Variants in KCNG3 observed in about 807,000 individuals in gnomAD.
The protein encoded by KCNG3 is potassium voltage-gated channel modifier subfamily G member 3.
A neutral mutation model predicts 29.0 loss-of-function variants in KCNG3; 15 were observed. That is an observed-to-expected ratio of 0.52 (90% CI 0.35 to 0.80). KCNG3 has a LOEUF of 0.80. Ranked by LOEUF, KCNG3 falls within the 30% of genes least tolerant of loss-of-function variation. The probability of loss-of-function intolerance (pLI) is 0.01; values close to 1 mark genes in which losing one functional copy is unlikely to be tolerated. For synonymous variants in KCNG3, 322 were observed against 248.9 expected, an observed-to-expected ratio of 1.29 and a Z score of -2.76; for missense variants, 512 against 605.7, an observed-to-expected ratio of 0.85 and a Z score of 1.62.
At chr2:42,469,907 G>A in intron 1 of KCNG3, 1 of 293,152 alleles carries the variant, frequency 3.4e-6, no homozygotes, top group South Asian at 6.0e-5. Flanking sequence ...GTTGACATCT[G>A]ATGAAATGAA....
At chr2:42,474,258 T>C (rs1338400703) in intron 1 of KCNG3, among the ~76,000 whole-genome samples, 1 of 151,916 alleles carries the variant, frequency 6.6e-6, no homozygotes, top group African/African-American at 2.4e-5. Context: ...CCAGGCATGG[T>C]GGCTCATACC....
chr2:42,436,862 T>C, the KCNG3 span, among the ~76,000 whole-genome samples: 1 of 152,170 alleles, frequency 6.6e-6, no homozygotes, highest in Non-Finnish European at 1.5e-5. Context: ...TCTGATTCTG[T>C]TTTGACCCTT....
the KCNG3 span, among the ~76,000 whole-genome samples, chr2:42,416,817 T>C: frequency 7.2e-6 from 1 of 138,978 alleles, no homozygotes; most frequent in Non-Finnish European, 1.5e-5. Flanking sequence ...GTCCCCTGTC[T>C]CAAAAAAAAA....
At chr2:42,486,179 C>G (rs1275259278) in intron 1 of KCNG3, among the ~76,000 whole-genome samples, 1 of 152,150 alleles carries the variant, frequency 6.6e-6, no homozygotes, top group African/African-American at 2.4e-5. Context: ...AGTAGTCAAG[C>G]GAGAGGGTCC....
At chr2:42,411,608 T>C in the KCNG3 span, among the ~76,000 whole-genome samples, 2 of 152,068 alleles carry the variant, frequency 1.3e-5, no homozygotes, top group African/African-American at 4.8e-5. Context: ...TCAGCCTCCC[T>C]AGTAGCTGGG....
In KCNG3 at chr2:42,453,819, G is replaced by A. The variant is rs146229096; in HGVS notation, c.666-9240C>T. 1.9e-4 allele frequency among the ~76,000 whole-genome samples: 29 copies of A among 152,108 alleles called. No individual in the cohort carries two copies. The East Asian group carries it at 5.2e-3, about 27-fold the overall frequency. On this transcript the variant is annotated intron_variant, in intron 1 of 1. Coordinates refer to ENST00000306078, the MANE Select transcript of KCNG3 (RefSeq NM_133329.6). ...CCTGGAGATTTTCCCCAATGTTTTC[G>A]TGTAGTAGTTTCATAGTTTGAGGTC...
chr2:42,428,922 C>T, the KCNG3 span, among the ~76,000 whole-genome samples: 1 of 152,018 alleles, frequency 6.6e-6, no homozygotes, highest in Non-Finnish European at 1.5e-5. Flanking sequence ...AGTTTGAGAC[C>T]AGCCTGGTCA....
chr2:42,400,950 C>T, the KCNG3 span, among the ~76,000 whole-genome samples: 2 of 151,908 alleles, frequency 1.3e-5, no homozygotes, highest in African/African-American at 2.4e-5. Context: ...TTCTCTCAGT[C>T]TGTCGTCTTT....
the KCNG3 span, among the ~76,000 whole-genome samples, chr2:42,392,999 C>A: frequency 1.3e-5 from 2 of 152,216 alleles, no homozygotes; most frequent in Non-Finnish European, 2.9e-5. Context: ...GTCAGTCAGT[C>A]TAGCACAAAG....
chr2:42,470,177 C>T, intron 1 of KCNG3: 1 of 421,052 alleles, frequency 2.4e-6, no homozygotes, highest in Middle Eastern at 7.4e-4. Context: ...GCGTCAGATT[C>T]ACCATTTGGC....
At chr2:42,490,869 G>A (rs912799261) in intron 1 of KCNG3, among the ~76,000 whole-genome samples, 6 of 152,154 alleles carry the variant, frequency 3.9e-5, no homozygotes, top group African/African-American at 1.2e-4. Flanking sequence ...TACTTAAAGT[G>A]ACAGGTTAAG....
chr2:42,487,531 T>C (rs926171712), intron 1 of KCNG3, among the ~76,000 whole-genome samples: 3 of 152,080 alleles, frequency 2.0e-5, no homozygotes, highest in Admixed American at 6.6e-5. Flanking sequence ...CCTCAATATA[T>C]GTAAAGATGC....
the KCNG3 span, among the ~76,000 whole-genome samples, chr2:42,394,807 C>T: frequency 6.6e-6 from 1 of 152,202 alleles, no homozygotes; most frequent in African/African-American, 2.4e-5. Flanking sequence ...GTTGTCACGA[C>T]CTCCTGTCAC....
chr2:42,458,153 T>C (rs1362700786), intron 1 of KCNG3, among the ~76,000 whole-genome samples: 2 of 152,158 alleles, frequency 1.3e-5, no homozygotes, highest in African/African-American at 2.4e-5. Context: ...TTAGGATATG[T>C]GGCAGGACAA....
the KCNG3 span, among the ~76,000 whole-genome samples, chr2:42,436,734 A>C: frequency 6.5e-3 from 983 of 152,336 alleles, 7 homozygotes; most frequent in Admixed American, 0.01. Context: ...TACCCCTTAG[A>C]AAACTTTTGT....
At position 42,492,880 on chromosome 2, in the gene KCNG3, C is replaced by A; in HGVS notation, c.622G>T (p.Asp208Tyr). 6.5e-7 allele frequency: 1 copy of A among 1,540,172 alleles called. No individual in the cohort carries two copies. ...GGGCCGGCGGAGTACCTGCTCCGGT[C>A]ATCCAGGCTGCGGTTGTCGGCGGCT... ...NAAADNRSLD[D>Y]RSRYSAGPGR... The change falls in exon 1 of 2, where the codon GAC becomes TAC. Residue 208 changes from aspartate to tyrosine, a missense_variant. Asp to Tyr is a radical substitution (Grantham distance 160, BLOSUM62 -3). Around this residue, in one of 5 missense-constraint regions of KCNG3, gnomAD observed 228 missense variants for 200.0 expected, o/e 1.14. Transcript: ENST00000306078.
At chr2:42,466,264 G>A (rs771940670) in intron 1 of KCNG3, among the ~76,000 whole-genome samples, 2 of 152,088 alleles carry the variant, frequency 1.3e-5, no homozygotes, top group Non-Finnish European at 2.9e-5. Context: ...AAATTAGTCA[G>A]GCGTGGTGGT....
rs1402811077 is a variant in KCNG3 at position 42,492,887 on chromosome 2, G to A, written c.615C>T (p.Ser205=). 15 of 1,550,564 alleles carry A rather than the reference G, an allele frequency of 9.7e-6. No individual in the cohort carries two copies. Among genetic ancestry groups the A allele is most frequent in the Non-Finnish European group, 1.2e-5 (14 of 1,154,532 alleles). The change falls in exon 1 of 2, where the codon AGC becomes AGT. Residue 205 remains serine (S), a synonymous_variant. Transcript: ENST00000306078. ...DWRNAAADNR[S]LDDRSRYSAG... ...CGGAGTACCTGCTCCGGTCATCCAG[G>A]CTGCGGTTGTCGGCGGCTGCGTTGC...
At chr2:42,411,101 T>G in the KCNG3 span, among the ~76,000 whole-genome samples, 1 of 152,226 alleles carries the variant, frequency 6.6e-6, no homozygotes, top group African/African-American at 2.4e-5. Context: ...TATTTTCTCA[T>G]GCATTTTAAT....
Sources: allele counts gnomAD v4.1 joint callset (sites outside exome capture counted in the v4.1 genomes callset), GRCh38; gene constraint gnomAD v4.1.1; regional missense constraint gnomAD v4.1.1; transcripts MANE v1.5; gene names NCBI Gene and HGNC (gene_info 2026-07-23, HGNC 2026-07-21).